KHDRBS2: variants seen among roughly 807,000 people sequenced by gnomAD.
KHDRBS2 encodes KH domain-containing, RNA-binding, signal transduction-associated protein 2.
In KHDRBS2, 26 loss-of-function variants were observed where a neutral mutation model predicts 44.3. That is an observed-to-expected ratio of 0.59 (90% confidence interval 0.43 to 0.81). KHDRBS2 has a LOEUF of 0.81. Ranked by LOEUF, KHDRBS2 falls within the 40% of genes least tolerant of loss-of-function variation. The pLI is 0.00. For missense variants in KHDRBS2, 476 were observed against 433.1 expected, an observed-to-expected ratio of 1.10 and a Z score of -0.88; for synonymous variants, 194 against 151.1, an observed-to-expected ratio of 1.28 and a Z score of -2.08.
chr6:61,891,641 G>A (rs149804650), intron 6 of KHDRBS2, among the ~76,000 whole-genome samples: 1,584 of 152,116 alleles, frequency 0.01, 28 homozygotes, highest in African/African-American at 0.037. Context: ...CAGAACCAAC[G>A]ACAAAAACCA....
At chr6:61,917,833 G>T (rs1353946505) in intron 4 of KHDRBS2, among the ~76,000 whole-genome samples, 6 of 151,980 alleles carry the variant, frequency 3.9e-5, no homozygotes, top group South Asian at 2.1e-4. Context: ...TGATTGATAA[G>T]AATATGATTT....
At chr6:62,207,881 T>C (rs567708226) in intron 1 of KHDRBS2, among the ~76,000 whole-genome samples, 9 of 152,274 alleles carry the variant, frequency 5.9e-5, no homozygotes, top group Admixed American at 5.2e-4. Context: ...ATACACATCA[T>C]CTCACATAGT....
chr6:61,622,174 A>C, the KHDRBS2 span, among the ~76,000 whole-genome samples: 1 of 152,206 alleles, frequency 6.6e-6, no homozygotes, highest in Non-Finnish European at 1.5e-5. Context: ...AATAAAAACT[A>C]ATGTAGCATG....
intron 6 of KHDRBS2, among the ~76,000 whole-genome samples, chr6:61,855,041 T>TA (rs1795956905): frequency 6.6e-6 from 1 of 152,078 alleles, no homozygotes; most frequent in African/African-American, 2.4e-5. Flanking sequence ...TATGTAAGAA[T>TA]AAAAAAGATT....
chr6:61,662,006 T>G, the KHDRBS2 span, among the ~76,000 whole-genome samples: 5,383 of 151,634 alleles, frequency 0.035, 314 homozygotes, highest in African/African-American at 0.12. Flanking sequence ...TATACTACAA[T>G]GCTACAGTAA....
chr6:61,567,638 C>G, the KHDRBS2 span, among the ~76,000 whole-genome samples: 1 of 151,816 alleles, frequency 6.6e-6, no homozygotes, highest in Non-Finnish European at 1.5e-5. Context: ...GAGACCTTGT[C>G]TTAAAACAAA....
intron 1 of KHDRBS2, among the ~76,000 whole-genome samples, chr6:62,257,596 T>C (rs1270849199): frequency 6.6e-6 from 1 of 152,018 alleles, no homozygotes; most frequent in East Asian, 1.9e-4. Flanking sequence ...AAGCAGTTTG[T>C]TTTCCTCTGA....
At chr6:62,103,297 G>A (rs756787674) in intron 2 of KHDRBS2, among the ~76,000 whole-genome samples, 12 of 152,202 alleles carry the variant, frequency 7.9e-5, no homozygotes, top group South Asian at 2.1e-4. Context: ...GCTGGGCCCC[G>A]GTTGTCCACG....
intron 6 of KHDRBS2, among the ~76,000 whole-genome samples, chr6:61,749,266 G>A (rs1357629136): frequency 6.6e-6 from 1 of 151,948 alleles, no homozygotes; most frequent in Admixed American, 6.6e-5. Context: ...ACATGCCTCG[G>A]CCTCCTAAAG....
chr6:62,189,775 T>G (rs887798373), intron 1 of KHDRBS2, among the ~76,000 whole-genome samples: 2 of 145,966 alleles, frequency 1.4e-5, no homozygotes, highest in Non-Finnish European at 3.0e-5. Flanking sequence ...CTCAGGTTTT[T>G]GGCTTGAGTA....
At chr6:61,665,588 T>C in the KHDRBS2 span, among the ~76,000 whole-genome samples, 68 of 151,410 alleles carry the variant, frequency 4.5e-4, no homozygotes, top group African/African-American at 1.5e-3. Flanking sequence ...GTATATGATA[T>C]AGAAAATAGA....
chr6:62,019,847 G>T (rs1211462017), intron 3 of KHDRBS2, among the ~76,000 whole-genome samples: 2 of 150,604 alleles, frequency 1.3e-5, no homozygotes, highest in Non-Finnish European at 3.0e-5. Context: ...TCTAGCTGCA[G>T]GTTTATCAAT....
chr6:62,277,882 C>A (rs971531014), intron 1 of KHDRBS2, among the ~76,000 whole-genome samples: 1 of 152,132 alleles, frequency 6.6e-6, no homozygotes, highest in African/African-American at 2.4e-5. Flanking sequence ...AAGTTAATAA[C>A]AATGGAGCAA....
At position 62,177,279 on chromosome 6, in the gene KHDRBS2, T is replaced by G; in HGVS notation, c.125A>C (p.Lys42Thr). 1 of 1,595,876 alleles carries G rather than the reference T, an allele frequency of 6.3e-7. No individual in the cohort carries two copies. The highest frequency in any genetic ancestry group is 8.6e-7 in the Non-Finnish European group (1 of 1,167,292). The change falls in exon 2 of 9, where the codon AAG becomes ACG. Residue 42 changes from lysine to threonine, a missense_variant. Lys to Thr is a moderately conservative substitution (Grantham distance 78, BLOSUM62 -1). Transcript: ENST00000281156. ...AAGATACTTCTTTTCTTCGTCTTCCTTTTTTCCATCAGAACCTTGAAACTT... is the reference window on the plus strand; with the variant it reads ...AAGATACTTCTTTTCTTCGTCTTCCGTTTTTCCATCAGAACCTTGAAACTT... Reference protein sequence around the residue: ...IEKFQGSDGKKEDEEKKYLDV... With the variant: ...IEKFQGSDGKTEDEEKKYLDV...
chr6:61,924,084 A>G (rs929617539), intron 4 of KHDRBS2, among the ~76,000 whole-genome samples: 3 of 152,120 alleles, frequency 2.0e-5, no homozygotes, highest in African/African-American at 4.8e-5. Flanking sequence ...ATAATCTGGC[A>G]ACAACATTAA....
chr6:61,900,752 T>C lies in KHDRBS2; in HGVS notation c.611+492A>G, dbSNP rs74761622. ...GTATCTCTATCTATCTACTTCCTTA[T>C]CTGGGAAGACTATATCAATTCAAGA... is the stretch of plus-strand genomic sequence containing the variant. On this transcript the variant is annotated intron_variant, in intron 5 of 8. Transcript: ENST00000281156. Among the ~76,000 whole-genome samples the C allele has an allele frequency of 9.8e-3, 1,485 of 152,302 alleles. 12 individuals are homozygous for C. Among genetic ancestry groups the C allele is most frequent in the Middle Eastern group, 0.017 (5 of 294 alleles).
At chr6:61,940,468 C>A (rs1811924918) in intron 4 of KHDRBS2, among the ~76,000 whole-genome samples, 2 of 152,110 alleles carry the variant, frequency 1.3e-5, no homozygotes, top group Non-Finnish European at 2.9e-5. Context: ...AATGGAACTG[C>A]TCCAGGGAGT....
At chr6:61,614,442 C>G in the KHDRBS2 span, among the ~76,000 whole-genome samples, 1 of 152,146 alleles carries the variant, frequency 6.6e-6, no homozygotes, top group African/African-American at 2.4e-5. Flanking sequence ...GTGACAACCT[C>G]AATTCACTAC....
At chr6:62,165,814 G>T (rs1189945617) in intron 2 of KHDRBS2, among the ~76,000 whole-genome samples, 1 of 151,936 alleles carries the variant, frequency 6.6e-6, no homozygotes, top group African/African-American at 2.4e-5. Context: ...GGAAGTAGCT[G>T]CATGTCACTA....
Sources: allele counts gnomAD v4.1 joint callset (sites outside exome capture counted in the v4.1 genomes callset), GRCh38; gene constraint gnomAD v4.1.1; transcripts MANE v1.5; gene names NCBI Gene and HGNC (gene_info 2026-07-23, HGNC 2026-07-21).